The following KLHL6 variants were observed in gnomAD, a reference collection of about 807,000 sequenced individuals.
The protein encoded by KLHL6 is kelch-like protein 6.
KLHL6 carries 41 observed loss-of-function variants against 58.6 expected under a neutral mutation model. The observed-to-expected ratio is 0.70, with a 90% confidence interval of 0.55 to 0.91. The LOEUF is 0.91. Ranked by LOEUF, KLHL6 falls within the 40% of genes least tolerant of loss-of-function variation. The pLI is 0.00. For missense variants in KLHL6, 714 were observed against 805.6 expected (o/e 0.89, Z 1.38); for synonymous variants, 338 against 322.7 (o/e 1.05, Z -0.51).
At chr3:183,551,386 A>G (rs1227803106) in intron 1 of KLHL6, among the ~76,000 whole-genome samples, 1 of 152,186 alleles carries the variant, frequency 6.6e-6, no homozygotes, top group Non-Finnish European at 1.5e-5. Flanking sequence ...TGTTTGATGC[A>G]TTGGACCATA....
intron 1 of KLHL6, among the ~76,000 whole-genome samples, chr3:183,535,710 C>T (rs1712341581): frequency 6.6e-6 from 1 of 152,176 alleles, no homozygotes; most frequent in East Asian, 1.9e-4. Flanking sequence ...ATGTGTTTCC[C>T]ATGTGACATA....
intron 1 of KLHL6, among the ~76,000 whole-genome samples, chr3:183,552,567 A>T (rs1712964514): frequency 6.6e-6 from 1 of 151,744 alleles, no homozygotes; most frequent in East Asian, 1.9e-4. Flanking sequence ...AAATACAAAA[A>T]ATTAGCCGGG....
intron 2 of KLHL6, among the ~76,000 whole-genome samples, chr3:183,511,643 C>A (rs753034952): frequency 6.6e-6 from 1 of 152,176 alleles, no homozygotes; most frequent in Non-Finnish European, 1.5e-5. Context: ...CATTGTGCCC[C>A]TGGTTTATTG....
intron 4 of KLHL6, among the ~76,000 whole-genome samples, chr3:183,498,208 T>G (rs1472286280): frequency 1.3e-5 from 2 of 152,146 alleles, no homozygotes; most frequent in Non-Finnish European, 2.9e-5. Flanking sequence ...CACTCCAGCC[T>G]GGGCAACAGA....
At chr3:183,523,953 G>T (rs1271256250) in intron 2 of KLHL6, among the ~76,000 whole-genome samples, 1 of 151,960 alleles carries the variant, frequency 6.6e-6, no homozygotes, top group Non-Finnish European at 1.5e-5. Context: ...TAGAGACGGG[G>T]TTTCATCATG....
chr3:183,539,305 A>C (rs1039584482), intron 1 of KLHL6, among the ~76,000 whole-genome samples: 11 of 152,184 alleles, frequency 7.2e-5, no homozygotes, highest in African/African-American at 2.4e-4. Context: ...CTGCCTCCCG[A>C]ATCAGGTGGC....
At chr3:183,523,483 C>T (rs928330999) in intron 2 of KLHL6, among the ~76,000 whole-genome samples, 4 of 152,214 alleles carry the variant, frequency 2.6e-5, no homozygotes, top group Admixed American at 2.6e-4. Context: ...CTCCAGCATC[C>T]CCCTTTTTCC....
intron 1 of KLHL6, among the ~76,000 whole-genome samples, chr3:183,548,072 A>G (rs1712787012): frequency 6.6e-6 from 1 of 152,246 alleles, no homozygotes; most frequent in Admixed American, 6.5e-5. Flanking sequence ...CCCCCATAGC[A>G]GCAAGGACCC....
Position 183,499,815 on chromosome 3 carries a change from G to T in KLHL6, c.922C>A (p.Arg308Ser), listed in dbSNP as rs773405975. ...HLSGNEIISE[R>S]TKPRMHEFQS... ...AACTCATGCATCCTGGGCTTGGTGC[G>T]TTCCGAAATGATCTGGAAATCGATG... The change falls in exon 4 of 7, where the codon CGC (arginine) becomes AGC (serine). Residue 308 changes from arginine to serine, a missense_variant. By Grantham distance (110) the Arg-to-Ser change is moderately radical. Transcript: ENST00000341319. This position sits in a 1 kb window ranked among gnomAD's most constrained non-coding sequence, Gnocchi z 4.6. 2.5e-6 allele frequency: 4 copies of T among 1,578,064 alleles called. No homozygotes were observed. The African/African-American group carries it at 4.1e-5, about 16-fold the overall frequency.
intron 1 of KLHL6, among the ~76,000 whole-genome samples, chr3:183,537,670 C>G (rs1712409526): frequency 6.6e-6 from 1 of 152,130 alleles, no homozygotes; most frequent in Non-Finnish European, 1.5e-5. Context: ...TGAAGTCAGG[C>G]CATGCCACAA....
chr3:183,532,904 G>A (rs187915396), intron 1 of KLHL6, among the ~76,000 whole-genome samples: 1 of 152,310 alleles, frequency 6.6e-6, no homozygotes, highest in African/African-American at 2.4e-5. Context: ...GCAGGTGATG[G>A]GTGCCACTAG....
At chr3:183,519,243 C>T (rs1396499613) in intron 2 of KLHL6, among the ~76,000 whole-genome samples, 5 of 152,170 alleles carry the variant, frequency 3.3e-5, no homozygotes, top group Non-Finnish European at 7.3e-5. Context: ...CCTGAAGAGG[C>T]TTTGCAAACA....
chr3:183,513,808 C>T (rs1718255036), intron 2 of KLHL6, among the ~76,000 whole-genome samples: 1 of 152,024 alleles, frequency 6.6e-6, no homozygotes, highest in Non-Finnish European at 1.5e-5. Flanking sequence ...ACCTATCAAC[C>T]CGTCATCTAG....
chr3:183,488,427 C>G lies in KLHL6; in HGVS notation c.*3500G>C, dbSNP rs766439699. 6.6e-5 allele frequency: 10 copies of G among 152,430 alleles called. No individual in the cohort carries two copies. Among genetic ancestry groups the G allele is most frequent in the African/African-American group, 1.2e-4 (5 of 41,452 alleles). 9.4% of individuals were successfully genotyped at this position (152,430 alleles called of 1,614,324 possible). On this transcript the variant is annotated 3_prime_UTR_variant, in exon 7 of 7. Coordinates refer to ENST00000341319, the MANE Select transcript of KLHL6 (RefSeq NM_130446.4). ...TCCCTCACCCTTCTTGGGACTAGAG[C>G]CAAGCTCACAAACTCCAGGGCCTCC...
intron 1 of KLHL6, among the ~76,000 whole-genome samples, chr3:183,546,326 T>C (rs781348346): frequency 1.3e-4 from 20 of 152,214 alleles, no homozygotes; most frequent in African/African-American, 4.6e-4. Context: ...GCCTAGCAAA[T>C]AGTTTTGAAT....
At position 183,492,808 on chromosome 3, in the gene KLHL6, G is replaced by A. The variant is rs1352128678; in HGVS notation, c.1351-101C>T. Reference sequence around the variant, plus strand: ...GACAGAGCTCCGGGACACAGAACTGGGCATCTTTTGCCTATAGTCACAAGG... The same window carrying A: ...GACAGAGCTCCGGGACACAGAACTGAGCATCTTTTGCCTATAGTCACAAGG... On this transcript the variant is annotated intron_variant, in intron 5 of 6. Transcript: ENST00000341319. The surrounding 1 kb of genome is among the most constrained non-coding windows in gnomAD (Gnocchi z 5.9). The A allele has an allele frequency of 2.8e-6, 3 of 1,072,384 alleles. No individual in the cohort carries two copies. The highest frequency in any genetic ancestry group is 4.9e-5 in the East Asian group (2 of 40,430). 66.4% of individuals were successfully genotyped at this position (1,072,384 alleles called of 1,614,324 possible).
At chr3:183,551,542 G>C (rs991240794) in intron 1 of KLHL6, among the ~76,000 whole-genome samples, 1 of 152,192 alleles carries the variant, frequency 6.6e-6, no homozygotes, top group Non-Finnish European at 1.5e-5. Context: ...CAGAGAACAA[G>C]GTTTTCGTGA....
At chr3:183,509,069 C>A (rs1286762753) in intron 2 of KLHL6, among the ~76,000 whole-genome samples, 1 of 152,124 alleles carries the variant, frequency 6.6e-6, no homozygotes, top group Non-Finnish European at 1.5e-5. Flanking sequence ...ACAACTTGTT[C>A]AGTTTCTTCA....
chr3:183,540,009 A>T (rs1712500606), intron 1 of KLHL6, among the ~76,000 whole-genome samples: 2 of 152,230 alleles, frequency 1.3e-5, no homozygotes, highest in African/African-American at 4.8e-5. Flanking sequence ...TCACAAAGAT[A>T]CAATGGACAG....
Sources: gnomAD v4.1 joint callset for allele counts (sites outside exome capture counted in the v4.1 genomes callset) on GRCh38, gnomAD v4.1.1 for gene constraint, Gnocchi (gnomAD v3.1) non-coding constraint, MANE v1.5 for transcripts, NCBI Gene and HGNC (gene_info 2026-07-23, HGNC 2026-07-21) for gene names.